PER2: variants seen among roughly 807,000 people sequenced by gnomAD.
PER2 encodes period circadian regulator 2.
PER2 carries 66 observed loss-of-function variants against 121.0 expected under a neutral mutation model. The observed-to-expected ratio is 0.55, with a 90% CI of 0.45 to 0.67. The LOEUF (loss-of-function observed/expected upper bound fraction) is 0.67. PER2 is among the 30% of genes least tolerant of loss of function. PER2 has a pLI of 0.00. For missense variants in PER2, 1,521 were observed against 1,635.0 expected (o/e 0.93, Z 1.20); for synonymous variants, 684 against 659.9 (o/e 1.04, Z -0.56).
At chr2:238,279,287 C>T (rs1342662034) in intron 1 of PER2, among the ~76,000 whole-genome samples, 3 of 152,164 alleles carry the variant, frequency 2.0e-5, no homozygotes, top group African/African-American at 4.8e-5. Context: ...TGGGGTGATG[C>T]TGCTGACTAC....
At chr2:238,265,637 T>A in intron 8 of PER2, 47 bp from the exon 9 acceptor site, 1 of 1,118,104 alleles carries the variant, frequency 8.9e-7, no homozygotes, top group East Asian at 2.4e-5. Flanking sequence ...AAGAAATGCA[T>A]ATTTGATGTT....
chr2:238,293,126 T>C (rs1696976181), upstream of PER2, among the ~76,000 whole-genome samples: 2 of 151,850 alleles, frequency 1.3e-5, no homozygotes, highest in South Asian at 4.1e-4. Context: ...CTCTCCAAAA[T>C]ACATCTAATC....
At chr2:238,265,236 C>T (rs547749454) in intron 9 of PER2, among the ~76,000 whole-genome samples, 8 of 152,294 alleles carry the variant, frequency 5.3e-5, no homozygotes, top group Non-Finnish European at 7.3e-5. Context: ...CAGGCAACAG[C>T]GCCTCTGTCT....
upstream of PER2, chr2:238,289,210 C>G (rs1696893934): frequency 6.6e-6 from 1 of 152,222 alleles, no homozygotes; most frequent in Non-Finnish European, 1.5e-5. Context: ...CCTCCGGCCA[C>G]CGGCCAGAGG....
At chr2:238,292,393 C>T (rs906782145), upstream of PER2, among the ~76,000 whole-genome samples, 2 of 152,152 alleles carry the variant, frequency 1.3e-5, no homozygotes, top group South Asian at 2.1e-4. Context: ...TGGAGAAGAG[C>T]CTGGGGAAAG....
chr2:238,249,284 A>G, intron 21 of PER2, 72 bp from the exon 22 acceptor site: 1 of 1,473,044 alleles, frequency 6.8e-7, no homozygotes, highest in Non-Finnish European at 9.3e-7. Context: ...CTTTCAGAAT[A>G]ATGTAGTTTT....
Position 238,262,287 on chromosome 2 carries a change from T to C in PER2, c.1211A>G (p.Asn404Ser), listed in dbSNP as rs180701082. ...DYSPIRFRAR[N>S]GEYITLDTSW... ...GGTGTCCAACGTGATGTACTCTCCG[T>C]TCCGGGCGCGAAACCGAATGGGAGA... The change falls in exon 11 of 23, where the codon AAC becomes AGC. Residue 404 changes from asparagine (N) to serine (S), a missense_variant. Physicochemically the swap from Asn to Ser is conservative, Grantham distance 46. Coordinates refer to ENST00000254657, the MANE Select transcript of PER2 (RefSeq NM_022817.3). The C allele has an allele frequency of 3.0e-5, 49 of 1,613,882 alleles. 1 individual carries two copies. In the South Asian group the frequency reaches 5.1e-4, roughly 17 times the overall value.
rs867633387 is a variant in PER2 at position 238,268,925 on chromosome 2, G to C, written c.822C>G (p.Val274=). Residue 274 remains valine, a splice_region_variant and synonymous_variant, in exon 7 of 23, where the codon GTC becomes GTG. Coordinates refer to ENST00000254657, the MANE Select transcript of PER2 (RefSeq NM_022817.3). The surrounding 1 kb of genome is among the most constrained non-coding windows in gnomAD (Gnocchi z 4.0). ...AGAAAACTGGGAACCAGGCTTACCT[G>C]ACACGGCAAAAGAAAGATTTCTCCT... ...CMEEKSFFCR[V]SVRKSHENEI... 2 of 1,609,568 alleles carry C rather than the reference G, an allele frequency of 1.2e-6. No homozygotes were observed. The highest frequency in any genetic ancestry group is 1.7e-6 in the Non-Finnish European group (2 of 1,175,790).
Position 238,275,892 on chromosome 2 carries a change from T to A in PER2, c.299A>T (p.Asp100Val). 3 of 1,614,236 alleles carry A rather than the reference T, an allele frequency of 1.9e-6. No individual in the cohort carries two copies. Among genetic ancestry groups the A allele is most frequent in the Non-Finnish European group, 2.5e-6 (3 of 1,180,034 alleles). ...HNPSTSGCSS[D>V]QSSKVDTHKE... ...GTGTGTGTCCACTTTCGAAGACTGG[T>A]CGCTACTGCAGGATTCAAGAAAGAG... Residue 100 changes from aspartate to valine, a missense_variant, in exon 4 of 23, where the codon GAC becomes GTC. Asp to Val is a radical substitution (Grantham distance 152). Transcript: ENST00000254657.
intron 4 of PER2, among the ~76,000 whole-genome samples, chr2:238,275,496 C>T (rs1371084677): frequency 2.0e-5 from 3 of 152,138 alleles, no homozygotes; most frequent in Non-Finnish European, 4.4e-5. Flanking sequence ...CGAGACCAGC[C>T]TGGGCAACAT....
chr2:238,259,837 G>A (rs895851982), intron 14 of PER2, 132 bp downstream of exon 14: 13 of 644,530 alleles, frequency 2.0e-5, no homozygotes, highest in African/African-American at 7.3e-5. Context: ...TGTGCTGAAC[G>A]CAGAAGGGGG....
intron 1 of PER2, among the ~76,000 whole-genome samples, chr2:238,280,133 A>C (rs561712035): frequency 6.4e-4 from 97 of 152,362 alleles, no homozygotes; most frequent in African/African-American, 2.1e-3. Context: ...AGAAAGGGCT[A>C]GAAACCAGCC....
At position 238,249,769 on chromosome 2, in the gene PER2, G is replaced by A. The variant is rs530169968; in HGVS notation, c.3468-557C>T. Among the ~76,000 whole-genome samples the A allele has an allele frequency of 3.3e-5, 5 of 152,330 alleles. No individual in the cohort carries two copies. The East Asian group carries it at 7.7e-4, about 24-fold the overall frequency. On this transcript the variant is annotated intron_variant, in intron 21 of 22. Transcript: ENST00000254657. Reference sequence around the variant, plus strand: ...TGTCCTGGTGATAGTGAGTTGTAACGCGATCTGATGGGTTTATAAGTATTT... The same window carrying A: ...TGTCCTGGTGATAGTGAGTTGTAACACGATCTGATGGGTTTATAAGTATTT...
rs975516101 is a variant in PER2, at chr2:238,261,029, CCT to C, written c.1417-78_1417-77del. The C allele has an allele frequency of 5.7e-5, 89 of 1,554,742 alleles. No homozygotes were observed. In the East Asian group the frequency reaches 7.2e-4, roughly 13 times the overall value. ...TGCATGTGGCCCCCTGCCAACACAC[CCT>C]GTTTCGCAGAGAGGATGGCGACCCG... On this transcript the variant is annotated intron_variant, in intron 12 of 22. Coordinates refer to ENST00000254657, the MANE Select transcript of PER2 (RefSeq NM_022817.3).
At chr2:238,258,847 G>C (rs914786626) in intron 14 of PER2, among the ~76,000 whole-genome samples, 18 of 152,076 alleles carry the variant, frequency 1.2e-4, no homozygotes, top group African/African-American at 4.1e-4. Context: ...AGACCTGGGG[G>C]GGGAGCTGCT....
chr2:238,271,579 G>T, intron 5 of PER2, 66 bp from the exon 6 acceptor site: 1 of 1,298,802 alleles, frequency 7.7e-7, no homozygotes, highest in Non-Finnish European at 1.1e-6. Context: ...TCCGACTCAG[G>T]CAGGCAGGCT....
rs746986068 is a variant in PER2, at chr2:238,287,418, G to C, written c.-20+931C>G. ...ACCCAGCCTGGGACCAGAAGCCCCA[G>C]GTGGGGGTAGAGGGTGGGCCAAGAA... On this transcript the variant is annotated intron_variant, in intron 1 of 22. Coordinates refer to ENST00000254657, the MANE Select transcript of PER2 (RefSeq NM_022817.3). Among the ~76,000 whole-genome samples, 9 of 152,378 alleles carry C rather than the reference G, an allele frequency of 5.9e-5. No homozygotes were observed. The South Asian group carries it at 1.7e-3, about 28-fold the overall frequency.
Position 238,265,605 on chromosome 2 carries a change from T to C in PER2, c.968-15A>G. The C allele has an allele frequency of 2.1e-6, 3 of 1,455,522 alleles. No homozygotes were observed. The highest frequency in any genetic ancestry group is 2.9e-6 in the Non-Finnish European group (3 of 1,035,324). The allele number at this position is 1,455,522 out of a possible 1,614,324, so 90.2% of individuals were successfully genotyped here. A position where few individuals can be genotyped will look rare whatever the true frequency, so the allele number is the denominator to read the frequency against. On this transcript the variant is annotated splice_polypyrimidine_tract_variant and intron_variant, in intron 8 of 22. Coordinates refer to ENST00000254657, the MANE Select transcript of PER2 (RefSeq NM_022817.3). ...AATTCTAGGGGCTGAAAGAACAGAA[T>C]ATTGCACACATTTGTGATCCTAAGA... is the stretch of plus-strand genomic sequence containing the variant.
In PER2 at chr2:238,253,726, G is replaced by T; in HGVS notation, c.2321-24C>A. The T allele has an allele frequency of 6.4e-7, 1 of 1,555,012 alleles. No homozygotes were observed. The highest frequency in any genetic ancestry group is 8.8e-7 in the Non-Finnish European group (1 of 1,141,614). ...AGCTAATGCAGAAAAACAAATACTC[G>T]GAGTTAAAATTTTAACTCCAAATTT... On this transcript the variant is annotated intron_variant, in intron 18 of 22. Transcript: ENST00000254657. This position sits in a 1 kb window ranked among gnomAD's most constrained non-coding sequence, Gnocchi z 5.6.
Sources: allele counts gnomAD v4.1 joint callset (sites outside exome capture counted in the v4.1 genomes callset), GRCh38; gene constraint gnomAD v4.1.1; non-coding constraint Gnocchi (gnomAD v3.1); transcripts MANE v1.5; gene names NCBI Gene and HGNC (gene_info 2026-07-23, HGNC 2026-07-21).